MPP7: variants seen among roughly 807,000 people sequenced by gnomAD.
MPP7 encodes the protein MAGUK p55 subfamily member 7.
A neutral mutation model predicts 76.5 loss-of-function variants in MPP7; 60 were observed. The ratio of observed to expected loss-of-function variants is 0.78; its 90% CI spans 0.64 to 0.97. The LOEUF (loss-of-function observed/expected upper bound fraction) is 0.97, where lower values mean the gene tolerates loss of function less well. Ranked by LOEUF, MPP7 falls within the 50% of genes least tolerant of loss-of-function variation. The pLI, the probability that MPP7 is intolerant of heterozygous loss-of-function variation, is 0.00. For missense variants in MPP7, 641 were observed against 694.0 expected (o/e 0.92, Z 0.86); for synonymous variants, 237 against 244.5 (o/e 0.97, Z 0.29).
At chr10:28,235,405 C>G (rs1839040980) in intron 2 of MPP7, among the ~76,000 whole-genome samples, 1 of 152,038 alleles carries the variant, frequency 6.6e-6, no homozygotes, top group African/African-American at 2.4e-5. Context: ...TCTAAAATTG[C>G]TCTAAAAATA....
chr10:28,152,748 T>C (rs1835923904), intron 3 of MPP7, among the ~76,000 whole-genome samples: 1 of 152,168 alleles, frequency 6.6e-6, no homozygotes, highest in Non-Finnish European at 1.5e-5. Flanking sequence ...AATTTCTCTT[T>C]ATATCCCAGA....
intron 8 of MPP7, among the ~76,000 whole-genome samples, chr10:28,123,256 T>C (rs775410652): frequency 2.6e-5 from 4 of 152,152 alleles, no homozygotes; most frequent in Non-Finnish European, 5.9e-5. Flanking sequence ...ACTTTAGAAT[T>C]AATATTTCCA....
intron 1 of MPP7, among the ~76,000 whole-genome samples, chr10:28,251,275 G>A (rs1422937787): frequency 6.6e-6 from 1 of 152,034 alleles, no homozygotes; most frequent in Non-Finnish European, 1.5e-5. Context: ...GACCAGCCTG[G>A]CCAACATGGT....
rs1205241324 is a variant in MPP7, at chr10:28,167,314, A to AAAAACAAAC, written c.157-17256_157-17255insGTTTGTTTT. The stretch of plus-strand genomic sequence containing the variant: ...CAACAGAGTGAGGCTCTGCCTCAAA[A>AAAAACAAAC]AAACAAACAAACAAACAAACAAACA... On this transcript the variant is annotated intron_variant, in intron 3 of 16. Transcript: ENST00000683449. 5.7e-3 allele frequency among the ~76,000 whole-genome samples: 784 copies of AAAAACAAAC among 137,962 alleles called. 15 individuals carry two copies. The highest frequency in any genetic ancestry group is 0.02 in the African/African-American group (738 of 37,056). The allele number at this position is 137,962 out of a possible 152,430, so 90.5% of individuals were successfully genotyped here. A position where few individuals can be genotyped will look rare whatever the true frequency, so the allele number is the denominator to read the frequency against.
rs57764949 is a variant in MPP7 at position 28,089,893 on chromosome 10, C to A, written c.953-52G>T. ...TTAGTAACATCAACCAAAAAAGAAA[C>A]CCTCAAAAAAAAAAAACCCTCAGAG... On this transcript the variant is annotated intron_variant, in intron 11 of 16. Transcript: ENST00000683449. The A allele has an allele frequency of 0.11, 102,161 of 960,396 alleles. 10,279 individuals carry two copies. The highest frequency in any genetic ancestry group is 0.48 in the East Asian group (17,927 of 37,348). 59.5% of individuals were successfully genotyped at this position (960,396 alleles called of 1,614,324 possible).
intron 3 of MPP7, among the ~76,000 whole-genome samples, chr10:28,153,109 C>A (rs1835936359): frequency 6.6e-6 from 1 of 151,978 alleles, no homozygotes; most frequent in Admixed American, 6.6e-5. Flanking sequence ...TGAAAATCAC[C>A]CGGCCATGAT....
intron 3 of MPP7, among the ~76,000 whole-genome samples, chr10:28,197,071 T>C (rs1837608713): frequency 6.6e-6 from 1 of 151,936 alleles, no homozygotes. Flanking sequence ...TTGACCTCAA[T>C]CCTAAAGGTG....
At chr10:28,114,962 G>C (rs1834615951) in intron 11 of MPP7, among the ~76,000 whole-genome samples, 1 of 152,174 alleles carries the variant, frequency 6.6e-6, no homozygotes, top group Admixed American at 6.5e-5. Context: ...CGATTTAAGT[G>C]ATCAGATATG....
intron 12 of MPP7, among the ~76,000 whole-genome samples, chr10:28,078,706 G>C (rs1196265326): frequency 6.6e-6 from 1 of 151,948 alleles, no homozygotes; most frequent in African/African-American, 2.4e-5. Flanking sequence ...TGAAGGTCTT[G>C]GGAAAAATGT....
At chr10:28,262,356 A>G (rs900124545) in intron 1 of MPP7, among the ~76,000 whole-genome samples, 6 of 146,536 alleles carry the variant, frequency 4.1e-5, no homozygotes, top group Middle Eastern at 3.5e-3. Context: ...TCGGCCTCCC[A>G]AAGTGCTGGG....
In MPP7 at chr10:28,076,560, G is replaced by T. The variant is rs184752878; in HGVS notation, c.1124-6708C>A. 8.9e-3 allele frequency among the ~76,000 whole-genome samples: 1,327 copies of T among 149,382 alleles called. 12 individuals carry two copies. Among genetic ancestry groups the T allele is most frequent in the Non-Finnish European group, 0.011 (714 of 67,440 alleles). On this transcript the variant is annotated intron_variant, in intron 12 of 16. Transcript: ENST00000683449. Reference sequence around the variant, plus strand: ...ATGCGCGCACACACACACACACACAGAAGCAAACACAGCAAAACACTATTA... The same window carrying T: ...ATGCGCGCACACACACACACACACATAAGCAAACACAGCAAAACACTATTA...
upstream of MPP7, among the ~76,000 whole-genome samples, chr10:28,304,360 C>T (rs766243228): frequency 1.9e-4 from 29 of 152,024 alleles, no homozygotes; most frequent in Non-Finnish European, 3.8e-4. Context: ...CCAGCAACTC[C>T]GTGAATTACG....
At chr10:28,170,190 T>C (rs570848791) in intron 3 of MPP7, among the ~76,000 whole-genome samples, 75 of 152,278 alleles carry the variant, frequency 4.9e-4, no homozygotes, top group African/African-American at 1.8e-3. Flanking sequence ...TATATGTTTC[T>C]ATTTATGTAT....
intron 6 of MPP7, among the ~76,000 whole-genome samples, chr10:28,130,108 G>A (rs1483522201): frequency 6.6e-6 from 1 of 151,660 alleles, no homozygotes; most frequent in Non-Finnish European, 1.5e-5. Context: ...GTATTAACTA[G>A]AATATAAATT....
chr10:28,220,783 G>A (rs928065797), intron 2 of MPP7, among the ~76,000 whole-genome samples: 3 of 152,166 alleles, frequency 2.0e-5, no homozygotes, highest in Non-Finnish European at 2.9e-5. Context: ...ATAGTCAACA[G>A]AGATAAAGAA....
intron 2 of MPP7, among the ~76,000 whole-genome samples, chr10:28,214,238 T>C (rs553097254): frequency 1.3e-5 from 2 of 152,334 alleles, no homozygotes; most frequent in South Asian, 4.1e-4. Flanking sequence ...CCACAGTGAA[T>C]TGTTATTTGC....
intron 3 of MPP7, among the ~76,000 whole-genome samples, chr10:28,167,659 C>A (rs1159665245): frequency 6.6e-6 from 1 of 150,642 alleles, no homozygotes; most frequent in Non-Finnish European, 1.5e-5. Flanking sequence ...AAAAAATATT[C>A]TTGTAAAAGT....
At chr10:28,099,657 A>G (rs1243802101) in intron 11 of MPP7, among the ~76,000 whole-genome samples, 1 of 152,112 alleles carries the variant, frequency 6.6e-6, no homozygotes, top group Non-Finnish European at 1.5e-5. Flanking sequence ...ATACAAAAAA[A>G]TCAGCCGGAT....
At chr10:28,217,598 A>G (rs1838357938) in intron 2 of MPP7, among the ~76,000 whole-genome samples, 1 of 151,900 alleles carries the variant, frequency 6.6e-6, no homozygotes, top group Admixed American at 6.6e-5. Flanking sequence ...TAACAAAAAA[A>G]GTCACAAAAA....
Sources: allele counts gnomAD v4.1 joint callset (sites outside exome capture counted in the v4.1 genomes callset), GRCh38; gene constraint gnomAD v4.1.1; transcripts MANE v1.5; gene names NCBI Gene and HGNC (gene_info 2026-07-23, HGNC 2026-07-21).